The following PSD3 variants were observed in gnomAD, a reference collection of about 807,000 sequenced individuals.
PSD3 encodes PH and SEC7 domain-containing protein 3.
Under a neutral mutation model 105.5 loss-of-function variants are expected in PSD3, and 49 were observed. That is an observed-to-expected ratio of 0.46 (90% CI 0.37 to 0.59). PSD3 has a LOEUF of 0.59. Ranked by LOEUF, PSD3 falls within the 20% of genes least tolerant of loss-of-function variation. The pLI is 0.00. For synonymous variants in PSD3, 557 were observed against 457.8 expected (o/e 1.22, Z -2.77); for missense variants, 1,561 against 1,263.8 (o/e 1.24, Z -3.57).
rs67555804 is a variant in PSD3 at position 18,652,493 on chromosome 8, G to GTTTTTTTTTTT, written c.2216+3138_2216+3148dup. Among the ~76,000 whole-genome samples, 764 of 92,572 alleles carry GTTTTTTTTTTT rather than the reference G, an allele frequency of 8.3e-3. 39 individuals carry two copies. The highest frequency in any genetic ancestry group is 0.018 in the East Asian group (53 of 2,990). 60.7% of individuals were successfully genotyped at this position (92,572 alleles called of 152,430 possible). A position where few individuals can be genotyped will look rare whatever the true frequency, so the allele number is the denominator to read the frequency against. ...ACACTTTTATCAAGGAAAAAGCTTAGTTTTTTTTTTTTTTTTTTTTTTGAG... is the reference window on the plus strand; with the variant it reads ...ACACTTTTATCAAGGAAAAAGCTTAGTTTTTTTTTTTTTTTTTTTTTTTTTTTTTTTTTGAG... On this transcript the variant is annotated intron_variant, in intron 10 of 15. Transcript: ENST00000327040.
At chr8:18,692,512 G>C (rs1801026684) in intron 9 of PSD3, among the ~76,000 whole-genome samples, 1 of 151,996 alleles carries the variant, frequency 6.6e-6, no homozygotes, top group African/African-American at 2.4e-5. Flanking sequence ...CTGACGGAGG[G>C]GTAAAAGGTA....
chr8:18,978,896 C>G (rs1825098794), intron 1 of PSD3, among the ~76,000 whole-genome samples: 1 of 152,052 alleles, frequency 6.6e-6, no homozygotes, highest in African/African-American at 2.4e-5. Flanking sequence ...TATCACTACA[C>G]TAAGGCCAGC....
At position 19,045,110 on chromosome 8, in the gene PSD3, C is replaced by T. The variant is rs528295935; in HGVS notation, c.324+39096G>A. On this transcript the variant is annotated intron_variant, in intron 1 of 1. Coordinates refer to the PSD3 transcript ENST00000521475. The stretch of plus-strand genomic sequence containing the variant: ...TAAGGCAGGAGAATTGCTTGAACCC[C>T]GGAGGCAGAGGTTGCAGTGAACCAA... Among the ~76,000 whole-genome samples the T allele has an allele frequency of 4.7e-4, 71 of 152,064 alleles. No homozygotes were observed. The South Asian group carries it at 0.013, about 28-fold the overall frequency.
intron 9 of PSD3, among the ~76,000 whole-genome samples, chr8:18,666,866 A>T (rs1244857519): frequency 6.6e-6 from 1 of 152,184 alleles, no homozygotes; most frequent in African/African-American, 2.4e-5. Context: ...TTTGAAACAG[A>T]TTGGAATGCT....
In PSD3 at chr8:18,867,891, T is replaced by C; in HGVS notation, c.1417A>G (p.Ser473Gly). ...ATTGGAGTGAGGGGCATTTCAAAGC[T>C]AAAATAGCTATCAGGCTCTGAGTAT... ...TLYSEPDSYF[S>G]FEMPLTPMIQ... The change falls in exon 4 of 16, where the codon AGC becomes GGC. Residue 473 changes from serine to glycine, a missense_variant. Transcript: ENST00000327040. 2 of 1,614,146 alleles carry C rather than the reference T, an allele frequency of 1.2e-6. No homozygotes were observed. The highest frequency in any genetic ancestry group is 1.7e-6 in the Non-Finnish European group (2 of 1,180,016).
In PSD3 at chr8:18,871,740, C is replaced by G. The variant is rs1205314056; in HGVS notation, c.1124G>C (p.Ser375Thr). ...WKAPSERPGTSSGTFSPVRLD... is the reference protein window; with the variant it reads ...WKAPSERPGTTSGTFSPVRLD... ...ACGCACAGGGGAAAATGTCCCCGAG[C>G]TAGTGCCAGGCCTCTCTGAAGGAGC... Residue 375 changes from serine to threonine, a missense_variant, in exon 3 of 16, where the codon AGC (serine) becomes ACC (threonine). Coordinates refer to ENST00000327040, the MANE Select transcript of PSD3 (RefSeq NM_015310.4). The G allele has an allele frequency of 6.3e-5, 101 of 1,614,054 alleles. No homozygotes were observed. The highest frequency in any genetic ancestry group is 8.5e-5 in the Non-Finnish European group (100 of 1,180,032).
intron 1 of PSD3, among the ~76,000 whole-genome samples, chr8:19,053,203 C>A (rs565449391): frequency 6.6e-6 from 1 of 151,962 alleles, no homozygotes; most frequent in Non-Finnish European, 1.5e-5. Flanking sequence ...GGGTCTATGG[C>A]GCACAGGGGA....
At chr8:18,949,594 T>A (rs7001606) in intron 1 of PSD3, among the ~76,000 whole-genome samples, 59,411 of 151,820 alleles carry the variant, frequency 0.39, 11,803 homozygotes, top group Non-Finnish European at 0.41. Flanking sequence ...AAAGAAAATC[T>A]GAAGTCAGGT....
intron 9 of PSD3, among the ~76,000 whole-genome samples, chr8:18,692,910 AC>A (rs1801049554): frequency 6.6e-6 from 1 of 152,220 alleles, no homozygotes; most frequent in Non-Finnish European, 1.5e-5. Context: ...AAACTTTAAT[AC>A]CAAAGCTAAG....
intron 9 of PSD3, among the ~76,000 whole-genome samples, chr8:18,749,094 T>C (rs1322293829): frequency 6.6e-6 from 1 of 152,260 alleles, no homozygotes; most frequent in African/African-American, 2.4e-5. Flanking sequence ...ATGCTACGTG[T>C]TGATTATCTT....
At chr8:18,603,616 T>G (rs77779289) in intron 11 of PSD3, among the ~76,000 whole-genome samples, 2,559 of 152,364 alleles carry the variant, frequency 0.017, 71 homozygotes, top group East Asian at 0.11. Flanking sequence ...TGTTTAGATC[T>G]GTGTGCCCAC....
At chr8:18,858,236 AG>A (rs1816176844) in intron 4 of PSD3, among the ~76,000 whole-genome samples, 1 of 152,226 alleles carries the variant, frequency 6.6e-6, no homozygotes, top group Non-Finnish European at 1.5e-5. Context: ...TTTACGCTGT[AG>A]TTTCTCAGTG....
At chr8:18,715,542 G>A (rs1240095616) in intron 9 of PSD3, among the ~76,000 whole-genome samples, 1 of 152,146 alleles carries the variant, frequency 6.6e-6, no homozygotes, top group Admixed American at 6.6e-5. Flanking sequence ...AAAATGGAAT[G>A]TTTTTCCTAC....
chr8:18,736,582 TC>T (rs1804168642), intron 9 of PSD3, among the ~76,000 whole-genome samples: 1 of 152,170 alleles, frequency 6.6e-6, no homozygotes, highest in Non-Finnish European at 1.5e-5. Flanking sequence ...CCAAGTTCCC[TC>T]CTTTGATCAT....
intron 13 of PSD3, among the ~76,000 whole-genome samples, chr8:18,574,245 G>C (rs953986235): frequency 3.3e-5 from 5 of 152,116 alleles, no homozygotes; most frequent in Admixed American, 1.3e-4. Flanking sequence ...CTAAATGTCA[G>C]CTCCTCACGG....
intron 10 of PSD3, among the ~76,000 whole-genome samples, chr8:18,634,088 C>T (rs1373116479): frequency 2.6e-5 from 4 of 151,988 alleles, no homozygotes; most frequent in East Asian, 1.9e-4. Context: ...TGCTCATGTC[C>T]TTTGCCCACT....
intron 9 of PSD3, among the ~76,000 whole-genome samples, chr8:18,749,675 G>A (rs1386685305): frequency 1.3e-5 from 2 of 152,120 alleles, no homozygotes; most frequent in Non-Finnish European, 2.9e-5. Context: ...CACCAGAAAA[G>A]GAAACCAGAC....
chr8:18,652,202 A>G (rs554671573), intron 10 of PSD3, among the ~76,000 whole-genome samples: 3 of 152,306 alleles, frequency 2.0e-5, no homozygotes, highest in Admixed American at 1.3e-4. Flanking sequence ...AACATCCTGC[A>G]GGAAAATGCA....
chr8:18,582,075 C>G (rs962310244), intron 12 of PSD3, among the ~76,000 whole-genome samples: 1 of 151,952 alleles, frequency 6.6e-6, no homozygotes, highest in Non-Finnish European at 1.5e-5. Flanking sequence ...AGGAAAGAAA[C>G]AAGATTCAAT....
Sources: gnomAD v4.1 joint callset for allele counts (sites outside exome capture counted in the v4.1 genomes callset) on GRCh38, gnomAD v4.1.1 for gene constraint, MANE v1.5 for transcripts, NCBI Gene and HGNC (gene_info 2026-07-23, HGNC 2026-07-21) for gene names.